Variants in BHMT2 observed in about 807,000 individuals in gnomAD.
The protein encoded by BHMT2 is betaine--homocysteine S-methyltransferase 2.
Under a neutral mutation model 39.0 loss-of-function variants are expected in BHMT2, and 28 were observed. That is an observed-to-expected ratio of 0.72 (90% CI 0.53 to 0.98). The LOEUF is 0.98. BHMT2 is among the 50% of genes least tolerant of loss of function. The probability of loss-of-function intolerance (pLI) is 0.00; values close to 1 mark genes in which losing one functional copy is unlikely to be tolerated. For missense variants in BHMT2, 410 were observed against 455.6 expected (o/e 0.90, Z 0.91); for synonymous variants, 145 against 160.6 (o/e 0.90, Z 0.74).
Position 79,080,814 on chromosome 5 carries a change from A to G in BHMT2, c.386A>G (p.Lys129Arg). 1 of 1,606,134 alleles carries G rather than the reference A, an allele frequency of 6.2e-7. No homozygotes were observed. The highest frequency in any genetic ancestry group is 1.1e-5 in the South Asian group (1 of 88,840). Residue 129 changes from lysine (K) to arginine (R), a missense_variant, in exon 4 of 8, where the codon AAA (lysine) becomes AGA (arginine). Lys to Arg is a conservative substitution (Grantham distance 26). Transcript: ENST00000255192. ...YKYQKDEARIKKLFRQQLEVF... is the reference protein window; with the variant it reads ...YKYQKDEARIRKLFRQQLEVF... ...TACCAGAAGGATGAAGCTAGAATTA[A>G]AAAACTTTTTCGACAACAGCTAGAA...
rs1755819707 is a variant in BHMT2, at chr5:79,083,037, A to C, written c.598+81A>C. 1.4e-5 allele frequency: 23 copies of C among 1,591,366 alleles called. 1 individual carries two copies. The South Asian group carries it at 2.6e-4, about 18-fold the overall frequency. On this transcript the variant is annotated intron_variant, in intron 5 of 7. Coordinates refer to ENST00000255192, the MANE Select transcript of BHMT2 (RefSeq NM_017614.5). ...AAAGTGTGCTTGATATTGTGAGAGC[A>C]GTTTGGAAATAGAAGAATGAACTCC...
At position 79,071,868 on chromosome 5, in the gene BHMT2, A is replaced by G. The variant is rs1337510508; in HGVS notation, c.33+2053A>G. On this transcript the variant is annotated intron_variant, in intron 1 of 7. Transcript: ENST00000255192. The stretch of plus-strand genomic sequence containing the variant: ...AAACTAAAGAAGGGATCATACTGGT[A>G]TAGTAATTAATTGAGGTAGTTAGAA... 1.3e-5 allele frequency among the ~76,000 whole-genome samples: 2 copies of G among 151,472 alleles called. 1 individual carries two copies. The highest frequency in any genetic ancestry group is 2.9e-5 in the Non-Finnish European group (2 of 67,918).
intron 4 of BHMT2, among the ~76,000 whole-genome samples, chr5:79,081,184 C>T (rs539944541): frequency 6.6e-6 from 1 of 152,244 alleles, no homozygotes; most frequent in South Asian, 2.1e-4. Context: ...GGCACAGTGC[C>T]TCCGGGAGCA....
chr5:79,078,505 C>G (rs1185156163), intron 2 of BHMT2, among the ~76,000 whole-genome samples: 3 of 152,180 alleles, frequency 2.0e-5, no homozygotes, highest in African/African-American at 7.2e-5. Flanking sequence ...AACCTAGGGT[C>G]CTGTCTTGAT....
At chr5:79,074,318 G>A (rs901244176) in intron 1 of BHMT2, among the ~76,000 whole-genome samples, 1 of 152,194 alleles carries the variant, frequency 6.6e-6, no homozygotes, top group Non-Finnish European at 1.5e-5. Flanking sequence ...TGGAGATTAA[G>A]AGATTATTCA....
chr5:79,079,512 C>T (rs775514256), intron 3 of BHMT2, 52 bp downstream of exon 3: 7 of 1,280,798 alleles, frequency 5.5e-6, no homozygotes, highest in Non-Finnish European at 6.8e-6. Context: ...TAAAAAATAA[C>T]CTCTTCATGG....
chr5:79,086,420 G>A (rs1269702608), intron 7 of BHMT2, among the ~76,000 whole-genome samples: 1 of 152,154 alleles, frequency 6.6e-6, no homozygotes, highest in Non-Finnish European at 1.5e-5. Flanking sequence ...CTTCTGTGCA[G>A]TGTCTGTCTT....
intron 3 of BHMT2, among the ~76,000 whole-genome samples, chr5:79,079,838 C>T (rs915205879): frequency 2.0e-5 from 3 of 151,742 alleles, no homozygotes; most frequent in South Asian, 2.1e-4. Context: ...AGCATTGAGC[C>T]GAGATCACAC....
rs1755832493 is a variant in BHMT2 at position 79,083,563 on chromosome 5, A to T, written c.782-65A>T. ...GTTTTTTTAATTGGAAAAACTGCTC[A>T]TTAGAGCATCCATCATTTGAAAATG... On this transcript the variant is annotated intron_variant, in intron 6 of 7. Transcript: ENST00000255192. The T allele has an allele frequency of 1.8e-5, 29 of 1,580,714 alleles. 1 individual carries two copies. In the South Asian group the frequency reaches 3.3e-4, roughly 18 times the overall value.
At position 79,088,578 on chromosome 5, in the gene BHMT2, G is replaced by A; in HGVS notation, c.*4G>A. The A allele has an allele frequency of 1.2e-6, 2 of 1,612,348 alleles. No individual in the cohort carries two copies. The highest frequency in any genetic ancestry group is 1.7e-6 in the Non-Finnish European group (2 of 1,179,270). On this transcript the variant is annotated 3_prime_UTR_variant, in exon 8 of 8. Transcript: ENST00000255192. ...GCTGTCAAAGCCAGACTTCTAAGGA[G>A]TAGTGAAAGAAAACCCTGAAATAAT...
intron 7 of BHMT2, among the ~76,000 whole-genome samples, chr5:79,086,783 A>C (rs888203546): frequency 2.0e-5 from 3 of 151,856 alleles, no homozygotes; most frequent in African/African-American, 7.3e-5. Context: ...TTCCTTTTCC[A>C]TTGTTGAAAG....
At chr5:79,077,855 C>CCA in intron 2 of BHMT2, 16 of 335,200 alleles carry the variant, frequency 4.8e-5, no homozygotes, top group East Asian at 1.1e-4. Flanking sequence ...ACACACACTC[C>CCA]CACACACACA....
At chr5:79,083,954 A>AG (rs1259896515) in intron 7 of BHMT2, 98 bp downstream of exon 7, 2 of 1,453,006 alleles carry the variant, frequency 1.4e-6, no homozygotes, top group African/African-American at 2.9e-5. Context: ...AAGTATAGAA[A>AG]TGTATAAAGT....
rs200127508 is a variant in BHMT2 at position 79,076,003 on chromosome 5, C to T, written c.34-1477C>T. Among the ~76,000 whole-genome samples the T allele has an allele frequency of 7.2e-5, 11 of 152,326 alleles. No homozygotes were observed. In the East Asian group the frequency reaches 1.3e-3, roughly 19 times the overall value. On this transcript the variant is annotated intron_variant, in intron 1 of 7. Transcript: ENST00000255192. The stretch of plus-strand genomic sequence containing the variant: ...TGTTAATCAGCTCAATTAGACCCTC[C>T]GCCTTATCGAAAGGACAGAGGGCTT...
At chr5:79,087,012 G>GTATATATA (rs1237997664) in intron 7 of BHMT2, among the ~76,000 whole-genome samples, 15 of 108,140 alleles carry the variant, frequency 1.4e-4, no homozygotes, top group African/African-American at 4.3e-4. Flanking sequence ...GTGTGTGTGT[G>GTATATATA]TGTATATATA....
At chr5:79,080,502 C>A (rs1303161341) in intron 3 of BHMT2, among the ~76,000 whole-genome samples, 185 bp from the exon 4 acceptor site, 3 of 152,110 alleles carry the variant, frequency 2.0e-5, no homozygotes, top group Non-Finnish European at 4.4e-5. Flanking sequence ...GTGGTAAGTA[C>A]AATAATGGAA....
At chr5:79,081,055 G>A (rs1755778827) in intron 4 of BHMT2, 177 bp downstream of exon 4, 3 of 574,186 alleles carry the variant, frequency 5.2e-6, no homozygotes, top group Non-Finnish European at 8.6e-6. Flanking sequence ...GGTATGCTAG[G>A]TTCTCTTAGA....
At chr5:79,073,335 A>G (rs1721208835) in intron 1 of BHMT2, among the ~76,000 whole-genome samples, 1 of 152,214 alleles carries the variant, frequency 6.6e-6, no homozygotes, top group Non-Finnish European at 1.5e-5. Flanking sequence ...TGTACACAGT[A>G]ACTGTACCTC....
chr5:79,078,618 G>A (rs1755723334), intron 2 of BHMT2, among the ~76,000 whole-genome samples: 1 of 152,210 alleles, frequency 6.6e-6, no homozygotes, highest in African/African-American at 2.4e-5. Flanking sequence ...CTAGGTGTGA[G>A]GACTCACAAG....
Sources: allele counts gnomAD v4.1 joint callset (sites outside exome capture counted in the v4.1 genomes callset), GRCh38; gene constraint gnomAD v4.1.1; transcripts MANE v1.5; gene names NCBI Gene and HGNC (gene_info 2026-07-23, HGNC 2026-07-21).